CNTNAP2: variants seen among roughly 807,000 people sequenced by gnomAD.
CNTNAP2 encodes contactin-associated protein-like 2.
A neutral mutation model predicts 155.2 loss-of-function variants in CNTNAP2; 98 were observed. That is an observed-to-expected ratio of 0.63 (90% CI 0.54 to 0.75). The LOEUF is 0.75. CNTNAP2 is among the 30% of genes least tolerant of loss of function. The pLI is 0.00. For synonymous variants in CNTNAP2, 651 were observed against 631.2 expected (o/e 1.03, Z -0.47); for missense variants, 1,727 against 1,688.1 (o/e 1.02, Z -0.40).
chr7:147,266,828 A>C (rs541162498), intron 8 of CNTNAP2, among the ~76,000 whole-genome samples: 4 of 152,314 alleles, frequency 2.6e-5, no homozygotes, highest in Admixed American at 2.6e-4. Context: ...TTTCCAACTT[A>C]TCTGTTTCTT....
intron 12 of CNTNAP2, among the ~76,000 whole-genome samples, chr7:147,617,387 C>A (rs1292052093): frequency 6.6e-6 from 1 of 152,086 alleles, no homozygotes. Context: ...GTCCCCAGAG[C>A]CTGGCACTAC....
In CNTNAP2 at chr7:148,121,090, A is replaced by G. The variant is rs371498577; in HGVS notation, c.2554+2802A>G. 1.6e-4 allele frequency among the ~76,000 whole-genome samples: 24 copies of G among 151,660 alleles called. No individual in the cohort carries two copies. The South Asian group carries it at 4.8e-3, about 30-fold the overall frequency. On this transcript the variant is annotated intron_variant, in intron 16 of 23. Coordinates refer to ENST00000361727, the MANE Select transcript of CNTNAP2 (RefSeq NM_014141.6). ...CGCTCTGTCGCCCAGGCTGGAGTGC[A>G]GTGGTGCAATCTCAGCTCACTGCAA...
At chr7:146,791,914 A>G (rs186866520) in intron 2 of CNTNAP2, among the ~76,000 whole-genome samples, 550 of 152,122 alleles carry the variant, frequency 3.6e-3, no homozygotes, top group African/African-American at 0.013. Context: ...TTTGTCCTCA[A>G]CTCTTGGGAA....
intron 1 of CNTNAP2, among the ~76,000 whole-genome samples, chr7:146,340,871 T>C (rs1013965960): frequency 6.6e-6 from 1 of 152,202 alleles, no homozygotes; most frequent in Non-Finnish European, 1.5e-5. Context: ...AAAGTGGTAA[T>C]AAAAGAATAC....
rs574266609 is a variant in CNTNAP2, at chr7:146,661,284, GT to G, written c.98-112977del. Among the ~76,000 whole-genome samples the G allele has an allele frequency of 2.9e-3, 438 of 148,510 alleles. 3 individuals are homozygous for G. The highest frequency in any genetic ancestry group is 0.012 in the South Asian group (55 of 4,676). On this transcript the variant is annotated intron_variant, in intron 1 of 23. Coordinates refer to ENST00000361727, the MANE Select transcript of CNTNAP2 (RefSeq NM_014141.6). ...ATCATCTATACTTAAGGGCTTTTAGGTTTTTTTTTTAATTGGGTTCATTAAA... is the reference window on the plus strand; with the variant it reads ...ATCATCTATACTTAAGGGCTTTTAGGTTTTTTTTTAATTGGGTTCATTAAA...
chr7:148,138,079 A>T (rs1485234880), intron 16 of CNTNAP2, among the ~76,000 whole-genome samples: 1 of 152,238 alleles, frequency 6.6e-6, no homozygotes, highest in African/African-American at 2.4e-5. Context: ...CGGCAGAGTC[A>T]CAAGTCAGTC....
chr7:148,411,941 ATTG>A (rs1251877028), intron 23 of CNTNAP2, among the ~76,000 whole-genome samples: 1 of 105,238 alleles, frequency 9.5e-6, no homozygotes, highest in Admixed American at 8.0e-5. Flanking sequence ...TGCTTGCTTT[ATTG>A]TTGTATCTTT....
At chr7:146,404,143 C>CAAAA (rs1795756959) in intron 1 of CNTNAP2, among the ~76,000 whole-genome samples, 3 of 100,286 alleles carry the variant, frequency 3.0e-5, no homozygotes, top group Non-Finnish European at 4.0e-5. Flanking sequence ...AAAAAAAAAA[C>CAAAA]AAAGAACTTG....
intron 8 of CNTNAP2, among the ~76,000 whole-genome samples, chr7:147,176,742 A>T (rs1563103860): frequency 1.0e-5 from 1 of 99,910 alleles, no homozygotes; most frequent in African/African-American, 5.1e-5. Flanking sequence ...ATAGAATTAT[A>T]ATTATAATAT....
chr7:147,774,022 G>T (rs987530587), intron 13 of CNTNAP2, among the ~76,000 whole-genome samples: 1 of 151,886 alleles, frequency 6.6e-6, no homozygotes, highest in Non-Finnish European at 1.5e-5. Context: ...TGTTTTCTCT[G>T]CTTGGTACGT....
intron 3 of CNTNAP2, among the ~76,000 whole-genome samples, chr7:146,974,233 G>A (rs903750105): frequency 7.9e-5 from 12 of 151,884 alleles, no homozygotes; most frequent in African/African-American, 2.9e-4. Context: ...ATTACCTGAG[G>A]TCAGGAGTTC....
chr7:147,934,985 C>T (rs1412425614), intron 14 of CNTNAP2, among the ~76,000 whole-genome samples: 1 of 151,800 alleles, frequency 6.6e-6, no homozygotes, highest in Non-Finnish European at 1.5e-5. Flanking sequence ...TTTTGAATAA[C>T]TAATTTAATT....
At chr7:147,437,389 T>C (rs1797568444) in intron 10 of CNTNAP2, among the ~76,000 whole-genome samples, 1 of 152,144 alleles carries the variant, frequency 6.6e-6, no homozygotes, top group Admixed American at 6.6e-5. Context: ...TTTTGCTTTA[T>C]TTTATTTTAG....
At chr7:147,669,434 A>G (rs992508998) in intron 13 of CNTNAP2, among the ~76,000 whole-genome samples, 12 of 152,312 alleles carry the variant, frequency 7.9e-5, no homozygotes, top group African/African-American at 2.4e-4. Flanking sequence ...TAAGTCCCAA[A>G]GTGGAATTCT....
chr7:148,069,615 C>A (rs1218039293), intron 15 of CNTNAP2, among the ~76,000 whole-genome samples: 1 of 151,956 alleles, frequency 6.6e-6, no homozygotes, highest in Non-Finnish European at 1.5e-5. Context: ...ACAAAATTAG[C>A]CGGGCATGGT....
intron 1 of CNTNAP2, among the ~76,000 whole-genome samples, chr7:146,535,556 A>G (rs1797855842): frequency 1.3e-5 from 2 of 148,984 alleles, no homozygotes; most frequent in East Asian, 4.0e-4. Flanking sequence ...TCTAATTCGT[A>G]TTTTTTAAAT....
intron 2 of CNTNAP2, among the ~76,000 whole-genome samples, chr7:146,838,651 T>TA (rs58669166): frequency 5.9e-5 from 9 of 152,228 alleles, no homozygotes; most frequent in East Asian, 5.8e-4. Flanking sequence ...TTTGTAATTT[T>TA]AAAAAAAGCT....
intron 8 of CNTNAP2, among the ~76,000 whole-genome samples, chr7:147,169,973 C>T (rs1027672470): frequency 6.6e-6 from 1 of 151,866 alleles, no homozygotes; most frequent in African/African-American, 2.4e-5. Context: ...GCTTAAGAAC[C>T]ATTGCTGAGG....
chr7:147,474,768 C>T (rs953445436), intron 10 of CNTNAP2, among the ~76,000 whole-genome samples: 18 of 152,118 alleles, frequency 1.2e-4, no homozygotes, highest in Non-Finnish European at 2.6e-4. Context: ...TAAATCTTCT[C>T]CCCACTCTAA....
Sources: gnomAD v4.1 joint callset for allele counts (sites outside exome capture counted in the v4.1 genomes callset) on GRCh38, gnomAD v4.1.1 for gene constraint, MANE v1.5 for transcripts, NCBI Gene and HGNC (gene_info 2026-07-23, HGNC 2026-07-21) for gene names.